Variants in TMC1 observed in about 807,000 individuals in gnomAD.
TMC1 encodes transmembrane channel like 1.
A neutral mutation model predicts 105.8 loss-of-function variants in TMC1; 84 were observed. That is an observed-to-expected ratio of 0.79 (90% CI 0.67 to 0.95). The LOEUF (loss-of-function observed/expected upper bound fraction) is 0.95. Ranked by LOEUF, TMC1 falls within the 40% of genes least tolerant of loss-of-function variation. TMC1 has a pLI of 0.00. For synonymous variants in TMC1, 315 were observed against 311.5 expected, an observed-to-expected ratio of 1.01 and a Z score of -0.12; for missense variants, 817 against 914.1, an observed-to-expected ratio of 0.89 and a Z score of 1.37.
chr9:72,643,008 G>A (rs917690639), intron 4 of TMC1, among the ~76,000 whole-genome samples: 1 of 152,096 alleles, frequency 6.6e-6, no homozygotes, highest in African/African-American at 2.4e-5. Context: ...TTTTGAGACA[G>A]GCTTCTTTCA....
Position 72,555,193 on chromosome 9 carries a change from G to GT in TMC1, c.-427-22690dup, listed in dbSNP as rs35020451. Among the ~76,000 whole-genome samples the GT allele has an allele frequency of 9.0e-3, 1,177 of 130,662 alleles. 9 individuals carry two copies. The highest frequency in any genetic ancestry group is 0.014 in the Non-Finnish European group (853 of 61,612). 85.7% of individuals were successfully genotyped at this position (130,662 alleles called of 152,430 possible). On this transcript the variant is annotated intron_variant, in intron 1 of 23. Transcript: ENST00000297784. ...GACCTGAATTCTGAGTTTTGATTCT[G>GT]TTTTTTTTTTTTTTTTTTTGAGACA...
intron 11 of TMC1, among the ~76,000 whole-genome samples, chr9:72,753,031 T>C (rs1827607471): frequency 6.6e-6 from 1 of 152,212 alleles, no homozygotes; most frequent in African/African-American, 2.4e-5. Context: ...GTGACTTAGC[T>C]AACATCTTGG....
At chr9:72,596,618 T>C (rs549462021) in intron 2 of TMC1, among the ~76,000 whole-genome samples, 1 of 151,218 alleles carries the variant, frequency 6.6e-6, no homozygotes, top group South Asian at 2.1e-4. Flanking sequence ...ACGAAAAAAG[T>C]TGGTCAAAGC....
chr9:72,788,159 A>G (rs1032646985), intron 13 of TMC1, among the ~76,000 whole-genome samples, 180 bp from the exon 14 acceptor site: 10 of 152,240 alleles, frequency 6.6e-5, no homozygotes, highest in Non-Finnish European at 8.8e-5. Context: ...AATAATTTCA[A>G]CAACTGAACA....
At chr9:72,825,971 C>G (rs529910050) in intron 20 of TMC1, among the ~76,000 whole-genome samples, 10 of 152,048 alleles carry the variant, frequency 6.6e-5, no homozygotes, top group African/African-American at 2.4e-4. Context: ...CTGGGACTTG[C>G]GTGTCATTGT....
chr9:72,667,630 A>G (rs1013940309), intron 5 of TMC1, among the ~76,000 whole-genome samples: 3 of 152,254 alleles, frequency 2.0e-5, no homozygotes, highest in African/African-American at 7.2e-5. Context: ...TGAGATAATA[A>G]CACACGCACC....
chr9:72,692,464 C>T (rs1826481666), intron 6 of TMC1, among the ~76,000 whole-genome samples: 1 of 152,172 alleles, frequency 6.6e-6, no homozygotes, highest in Non-Finnish European at 1.5e-5. Flanking sequence ...GGGAGCTTAT[C>T]TCCACATTGT....
intron 8 of TMC1, among the ~76,000 whole-genome samples, chr9:72,709,870 G>T (rs984621046): frequency 6.6e-6 from 1 of 152,004 alleles, no homozygotes; most frequent in African/African-American, 2.4e-5. Context: ...ATTTAGTTCT[G>T]CTCTGATCTT....
At chr9:72,806,941 G>T (rs560647346) in intron 18 of TMC1, among the ~76,000 whole-genome samples, 1 of 152,162 alleles carries the variant, frequency 6.6e-6, no homozygotes, top group Non-Finnish European at 1.5e-5. Flanking sequence ...GTAGCGAGCC[G>T]AGATCACGCC....
chr9:72,530,761 A>G (rs1823485749), intron 1 of TMC1, among the ~76,000 whole-genome samples: 1 of 151,332 alleles, frequency 6.6e-6, no homozygotes, highest in Non-Finnish European at 1.5e-5. Context: ...TTGAATTATT[A>G]AGTTTAGGTA....
intron 21 of TMC1, among the ~76,000 whole-genome samples, chr9:72,828,472 T>C (rs747514209): frequency 6.6e-6 from 1 of 152,118 alleles, no homozygotes; most frequent in Non-Finnish European, 1.5e-5. Context: ...GTTACCATAT[T>C]CTTACTTGAT....
intron 5 of TMC1, among the ~76,000 whole-genome samples, chr9:72,671,827 A>T (rs1009316512): frequency 2.0e-5 from 3 of 152,254 alleles, no homozygotes; most frequent in Non-Finnish European, 4.4e-5. Flanking sequence ...TTAATAGTAT[A>T]TTCAGTGGCT....
chr9:72,530,093 T>A (rs976288148), intron 1 of TMC1, among the ~76,000 whole-genome samples: 2 of 152,176 alleles, frequency 1.3e-5, no homozygotes, highest in African/African-American at 4.8e-5. Flanking sequence ...CAGGTGGGCA[T>A]GAGACAGCCT....
At chr9:72,528,586 G>A (rs1420580204) in intron 1 of TMC1, among the ~76,000 whole-genome samples, 6 of 151,584 alleles carry the variant, frequency 4.0e-5, no homozygotes, top group African/African-American at 9.8e-5. Context: ...CACCCGCCTC[G>A]GCCTCCCAAA....
intron 8 of TMC1, among the ~76,000 whole-genome samples, chr9:72,734,292 A>T (rs1193497746): frequency 6.6e-6 from 1 of 152,238 alleles, no homozygotes; most frequent in East Asian, 1.9e-4. Context: ...GTTACTGCTT[A>T]TACTGCTCTT....
chr9:72,777,584 T>C (rs924342843), intron 13 of TMC1, among the ~76,000 whole-genome samples: 12 of 152,192 alleles, frequency 7.9e-5, no homozygotes, highest in African/African-American at 2.7e-4. Context: ...TCAAAAATGC[T>C]TGGAGCAGAA....
intron 11 of TMC1, among the ~76,000 whole-genome samples, chr9:72,753,188 C>T (rs1827610518): frequency 1.3e-5 from 2 of 151,474 alleles, no homozygotes; most frequent in Non-Finnish European, 2.9e-5. Flanking sequence ...AAGACAGTGA[C>T]CAAAGATCAG....
intron 21 of TMC1, among the ~76,000 whole-genome samples, chr9:72,827,922 T>G (rs1256958717): frequency 1.3e-5 from 2 of 152,196 alleles, no homozygotes; most frequent in African/African-American, 4.8e-5. Context: ...GAGCAGGGAT[T>G]GTGACCCAGT....
At chr9:72,530,992 T>G (rs963606316) in intron 1 of TMC1, among the ~76,000 whole-genome samples, 7 of 151,202 alleles carry the variant, frequency 4.6e-5, no homozygotes, top group African/African-American at 1.2e-4. Flanking sequence ...AGCTAATTAT[T>G]ATTATTATTA....
Sources: gnomAD v4.1 joint callset for allele counts (sites outside exome capture counted in the v4.1 genomes callset) on GRCh38, gnomAD v4.1.1 for gene constraint, MANE v1.5 for transcripts, NCBI Gene and HGNC (gene_info 2026-07-23, HGNC 2026-07-21) for gene names.